The following PRKAR1B variants were observed in gnomAD, a reference collection of about 807,000 sequenced individuals.
The protein encoded by PRKAR1B is cAMP-dependent protein kinase type I-beta regulatory subunit.
Under a neutral mutation model 46.5 loss-of-function variants are expected in PRKAR1B, and 22 were observed. That is an observed-to-expected ratio of 0.47 (90% CI 0.34 to 0.68). The LOEUF (loss-of-function observed/expected upper bound fraction) is 0.68, where lower values mean the gene tolerates loss of function less well. Ranked by LOEUF, PRKAR1B falls within the 30% of genes least tolerant of loss-of-function variation. The pLI is 0.01. For missense variants in PRKAR1B, 445 were observed against 535.6 expected (o/e 0.83, Z 1.67); for synonymous variants, 259 against 217.7 (o/e 1.19, Z -1.67).
chr7:698,105 T>G, intron 2 of PRKAR1B, among the ~76,000 whole-genome samples: 4 of 134,852 alleles, frequency 3.0e-5, no homozygotes, highest in African/African-American at 8.5e-5. Context: ...GGGAAGGGAA[T>G]TAGAAATTAA....
chr7:621,014 C>T (rs776955416), intron 4 of PRKAR1B, among the ~76,000 whole-genome samples: 1 of 152,248 alleles, frequency 6.6e-6, no homozygotes, highest in African/African-American at 2.4e-5. Context: ...TTTTCCAACA[C>T]CTATGTGACA....
chr7:573,901 G>C (rs1456750699), intron 9 of PRKAR1B, among the ~76,000 whole-genome samples: 2 of 152,236 alleles, frequency 1.3e-5, no homozygotes, highest in Admixed American at 6.5e-5. Flanking sequence ...TGGATGTGGA[G>C]GGCGTGGCTG....
At chr7:565,219 AG>A (rs1190950470) in intron 9 of PRKAR1B, 5 of 152,248 alleles carry the variant, frequency 3.3e-5, no homozygotes, top group African/African-American at 4.8e-5. Context: ...GGCAGCCTTT[AG>A]GGGCTCTTGG....
chr7:657,278 T>C (rs1015625667), intron 4 of PRKAR1B, among the ~76,000 whole-genome samples: 7 of 150,254 alleles, frequency 4.7e-5, no homozygotes, highest in East Asian at 2.0e-4. Flanking sequence ...GATGGATGGA[T>C]GGATGGATGG....
chr7:589,555 CTA>C (rs1319131983), intron 7 of PRKAR1B, among the ~76,000 whole-genome samples: 3 of 152,168 alleles, frequency 2.0e-5, no homozygotes, highest in Non-Finnish European at 4.4e-5. Flanking sequence ...TATCTCCACT[CTA>C]TGGAAGAAAC....
intron 9 of PRKAR1B, among the ~76,000 whole-genome samples, chr7:569,434 G>A (rs763022271): frequency 2.0e-5 from 3 of 152,206 alleles, no homozygotes; most frequent in Non-Finnish European, 4.4e-5. Flanking sequence ...AGCTCTCCCC[G>A]GCCCCCAAGC....
At chr7:659,496 C>T (rs937570413) in intron 4 of PRKAR1B, among the ~76,000 whole-genome samples, 3 of 152,120 alleles carry the variant, frequency 2.0e-5, no homozygotes, top group East Asian at 1.9e-4. Context: ...CGTCCCGAGC[C>T]GGAATATTCT....
chr7:571,241 G>A (rs951668100), intron 9 of PRKAR1B, among the ~76,000 whole-genome samples: 8 of 152,068 alleles, frequency 5.3e-5, no homozygotes, highest in Admixed American at 6.6e-5. Flanking sequence ...AGCGCAGGCC[G>A]GGTCTGTCCG....
intron 9 of PRKAR1B, among the ~76,000 whole-genome samples, chr7:574,056 C>T (rs1162046777): frequency 5.2e-5 from 8 of 152,384 alleles, no homozygotes; most frequent in Middle Eastern, 6.8e-3. Context: ...GAACACCGCG[C>T]GTGCGGCCTT....
At chr7:601,281 G>A (rs1291214980) in intron 6 of PRKAR1B, among the ~76,000 whole-genome samples, 1 of 152,212 alleles carries the variant, frequency 6.6e-6, no homozygotes, top group African/African-American at 2.4e-5. Context: ...CCCGAACCCA[G>A]GGTACATCCA....
chr7:663,902 C>G (rs531566853), intron 4 of PRKAR1B, among the ~76,000 whole-genome samples: 2 of 152,302 alleles, frequency 1.3e-5, no homozygotes, highest in African/African-American at 2.4e-5. Context: ...GACAGGTGGG[C>G]GTGCAGGGCC....
Position 550,558 on chromosome 7 carries a change from C to A in PRKAR1B, c.1018G>T (p.Val340Leu), listed in dbSNP as rs370144226. The change falls in exon 11 of 11, where the codon GTG becomes TTG. Residue 340 changes from valine to leucine, a missense_variant. Val to Leu is a conservative substitution (Grantham distance 32). This residue lies in a region of PRKAR1B where 127 missense variants were observed against 138.0 expected (regional missense o/e 0.92). Coordinates refer to ENST00000537384, the MANE Select transcript of PRKAR1B (RefSeq NM_001164760.2). ...ACACACTTGAGGGGCCCCCGGGCCACGACAGTGGCCGCCCGGGGCCGGTTC... is the reference window on the plus strand; with the variant it reads ...ACACACTTGAGGGGCCCCCGGGCCAAGACAGTGGCCGCCCGGGGCCGGTTC... ...LLNRPRAATV[V>L]ARGPLKCVKL... is the part of the protein sequence containing the mutation. 12 of 1,599,278 alleles carry A rather than the reference C, an allele frequency of 7.5e-6. No homozygotes were observed. Among genetic ancestry groups the A allele is most frequent in the Non-Finnish European group, 1.7e-6 (2 of 1,174,436 alleles).
chr7:575,159 G>T (rs1779746427), intron 9 of PRKAR1B, among the ~76,000 whole-genome samples: 1 of 152,240 alleles, frequency 6.6e-6, no homozygotes, highest in South Asian at 2.1e-4. Flanking sequence ...GTCTCCCCTG[G>T]GGTTGCATCC....
intron 9 of PRKAR1B, among the ~76,000 whole-genome samples, chr7:569,483 C>T (rs572760510): frequency 1.1e-4 from 16 of 152,348 alleles, no homozygotes; most frequent in African/African-American, 3.1e-4. Context: ...AGAGGGCAGC[C>T]GTGACGTGCC....
At chr7:596,453 G>A (rs911980074) in intron 6 of PRKAR1B, 149 bp from the exon 7 acceptor site, 60 of 1,000,200 alleles carry the variant, frequency 6.0e-5, no homozygotes, top group Non-Finnish European at 7.4e-5. Flanking sequence ...AGAGCCCTGC[G>A]TTCCCCAGCA....
In PRKAR1B at chr7:596,242, C is replaced by T. The variant is rs770300991; in HGVS notation, c.612G>A (p.Ala204=). The T allele has an allele frequency of 2.4e-5, 39 of 1,613,918 alleles. No individual in the cohort carries two copies. The highest frequency in any genetic ancestry group is 3.0e-5 in the Non-Finnish European group (35 of 1,179,982). The change falls in exon 7 of 11, where the codon GCG becomes GCA. Residue 204 remains alanine (A), a synonymous_variant. Coordinates refer to ENST00000537384, the MANE Select transcript of PRKAR1B (RefSeq NM_001164760.2). ...CAGCCCTGGGGGTGCCGTAGATGAG[C>T]GCCAGCTCCCCGAAGCTGCCTCCCT... ...ISEGGSFGEL[A]LIYGTPRAAT...
intron 4 of PRKAR1B, among the ~76,000 whole-genome samples, chr7:623,012 C>G (rs941887031): frequency 6.6e-6 from 1 of 152,154 alleles, no homozygotes; most frequent in South Asian, 2.1e-4. Flanking sequence ...AACCCTTGGG[C>G]AGACCCTGGG....
chr7:719,748 C>A (rs775939534), intron 1 of PRKAR1B, among the ~76,000 whole-genome samples: 27 of 152,146 alleles, frequency 1.8e-4, no homozygotes, highest in Admixed American at 1.2e-3. Flanking sequence ...ACTGTACCAG[C>A]TCCACAAGGC....
chr7:632,871 C>T (rs938245341), intron 4 of PRKAR1B, among the ~76,000 whole-genome samples: 3 of 151,998 alleles, frequency 2.0e-5, no homozygotes, highest in Admixed American at 6.6e-5. Flanking sequence ...AAGGAGCCCC[C>T]GACGGCCGGC....
Sources: gnomAD v4.1 joint callset for allele counts (sites outside exome capture counted in the v4.1 genomes callset) on GRCh38, gnomAD v4.1.1 for gene constraint, gnomAD v4.1.1 regional missense constraint, MANE v1.5 for transcripts, NCBI Gene and HGNC (gene_info 2026-07-23, HGNC 2026-07-21) for gene names.